Variants in NEDD4L observed in about 807,000 individuals in gnomAD.
NEDD4L encodes the protein E3 ubiquitin-protein ligase NEDD4-like.
Under a neutral mutation model 148.9 loss-of-function variants are expected in NEDD4L, and 54 were observed. The observed-to-expected ratio is 0.36, with a 90% CI of 0.29 to 0.45. The LOEUF (loss-of-function observed/expected upper bound fraction) is 0.45. NEDD4L is among the 20% of genes least tolerant of loss of function. The probability of loss-of-function intolerance (pLI) is 1.00; values close to 1 mark genes in which losing one functional copy is unlikely to be tolerated. For missense variants in NEDD4L, 856 were observed against 1,233.8 expected (o/e 0.69, Z 4.59); for synonymous variants, 433 against 440.7 (o/e 0.98, Z 0.22).
chr18:58,161,974 C>T (rs1434248602), intron 1 of NEDD4L, among the ~76,000 whole-genome samples: 3 of 152,114 alleles, frequency 2.0e-5, no homozygotes, highest in African/African-American at 7.2e-5. Context: ...AAAAGGGACA[C>T]TTTTCTGTGG....
intron 18 of NEDD4L, among the ~76,000 whole-genome samples, chr18:58,352,314 A>G (rs1177425215): frequency 6.6e-6 from 1 of 152,150 alleles, no homozygotes; most frequent in African/African-American, 2.4e-5. Flanking sequence ...AAGAGAATTT[A>G]CTAAAATGAG....
At chr18:58,137,528 CAG>C (rs1468030546) in intron 1 of NEDD4L, among the ~76,000 whole-genome samples, 1 of 152,080 alleles carries the variant, frequency 6.6e-6, no homozygotes, top group East Asian at 1.9e-4. Context: ...GAGAGGATAA[CAG>C]GGAGGAAAAG....
intron 1 of NEDD4L, among the ~76,000 whole-genome samples, chr18:58,087,638 G>T (rs930265611): frequency 6.6e-6 from 1 of 152,116 alleles, no homozygotes; most frequent in African/African-American, 2.4e-5. Context: ...ACTTTGAGAG[G>T]CCGAGGCGGG....
intron 2 of NEDD4L, among the ~76,000 whole-genome samples, chr18:58,218,136 A>C (rs1008707940): frequency 6.6e-6 from 1 of 152,148 alleles, no homozygotes; most frequent in African/African-American, 2.4e-5. Context: ...TGCTTTTCTT[A>C]TTCCTTTTGG....
intron 1 of NEDD4L, among the ~76,000 whole-genome samples, chr18:58,061,373 G>T (rs2082325245): frequency 2.6e-5 from 4 of 152,190 alleles, no homozygotes; most frequent in Admixed American, 2.6e-4. Context: ...GTTAGAGCCA[G>T]AATTTGAACG....
chr18:58,367,900 C>G, intron 22 of NEDD4L, 33 bp downstream of exon 22: 1 of 1,611,890 alleles, frequency 6.2e-7, no homozygotes, highest in Non-Finnish European at 8.5e-7. Context: ...TAGGTCAGTG[C>G]TGCTTGCGGT....
chr18:58,135,424 C>T (rs1047983200), intron 1 of NEDD4L, among the ~76,000 whole-genome samples: 1 of 152,196 alleles, frequency 6.6e-6, no homozygotes, highest in Non-Finnish European at 1.5e-5. Flanking sequence ...CTCTGAGAGT[C>T]CCGGCTGTGT....
intron 1 of NEDD4L, among the ~76,000 whole-genome samples, chr18:58,120,030 C>G (rs563889665): frequency 1.2e-4 from 19 of 152,308 alleles, no homozygotes; most frequent in South Asian, 2.1e-4. Context: ...TGAAGATCTT[C>G]CCTCTGCCTG....
intron 10 of NEDD4L, among the ~76,000 whole-genome samples, chr18:58,329,709 C>G (rs1489106104): frequency 6.6e-6 from 1 of 150,860 alleles, no homozygotes; most frequent in African/African-American, 2.4e-5. Context: ...CCATGTTGGC[C>G]AGGCTGGTCT....
chr18:58,365,582 A>G (rs1478575694), intron 20 of NEDD4L, among the ~76,000 whole-genome samples: 7 of 152,218 alleles, frequency 4.6e-5, no homozygotes, highest in Non-Finnish European at 7.4e-5. Context: ...CGGCCCTGCC[A>G]CAGTTGAGCA....
At chr18:58,206,478 A>G (rs2041999901) in intron 2 of NEDD4L, among the ~76,000 whole-genome samples, 2 of 152,216 alleles carry the variant, frequency 1.3e-5, no homozygotes, top group Admixed American at 6.5e-5. Flanking sequence ...TTTGAAGATT[A>G]TATCAAGTTT....
chr18:58,284,691 C>T (rs959568158), intron 5 of NEDD4L, among the ~76,000 whole-genome samples: 2 of 152,140 alleles, frequency 1.3e-5, no homozygotes, highest in African/African-American at 4.8e-5. Context: ...AATCTTACTT[C>T]TTTGAAAAAC....
chr18:58,087,974 G>GT (rs1460210459), intron 1 of NEDD4L, among the ~76,000 whole-genome samples: 5 of 152,234 alleles, frequency 3.3e-5, no homozygotes, highest in Non-Finnish European at 7.3e-5. Context: ...ATGTCTCAGG[G>GT]TTTCCTGAGG....
intron 1 of NEDD4L, among the ~76,000 whole-genome samples, chr18:58,077,516 C>T (rs78579279): frequency 0.05 from 7,566 of 152,080 alleles, 647 homozygotes; most frequent in African/African-American, 0.17. Flanking sequence ...GTGTGCACGT[C>T]GTTAACTACA....
intron 18 of NEDD4L, among the ~76,000 whole-genome samples, chr18:58,352,302 T>C (rs2043990536): frequency 6.6e-6 from 1 of 152,210 alleles, no homozygotes; most frequent in African/African-American, 2.4e-5. Context: ...ATTTATTGTT[T>C]TAAGAGAATT....
At position 58,329,130 on chromosome 18, in the gene NEDD4L, A is replaced by T; in HGVS notation, c.813+3A>T. On this transcript the variant is annotated splice_donor_region_variant and intron_variant, in intron 10 of 30. Coordinates refer to ENST00000400345, the MANE Select transcript of NEDD4L (RefSeq NM_001144967.3). ...CGGAGGGCGGGGATGTCCCCGAGGT[A>T]CGATGTCCCCAGAATGGTGCAAAGC... The T allele has an allele frequency of 6.2e-7, 1 of 1,613,676 alleles. No homozygotes were observed. Among genetic ancestry groups the T allele is most frequent in the Non-Finnish European group, 8.5e-7 (1 of 1,179,762 alleles).
intron 5 of NEDD4L, among the ~76,000 whole-genome samples, chr18:58,262,595 C>T (rs184930436): frequency 1.1e-3 from 167 of 149,970 alleles, no homozygotes; most frequent in Middle Eastern, 6.8e-3. Context: ...TGCCACTGCA[C>T]TCCAGCCTGG....
In NEDD4L at chr18:58,398,083, C is replaced by G. The variant is rs1483109832; in HGVS notation, c.*1814C>G. 3 of 137,736 alleles carry G rather than the reference C, an allele frequency of 2.2e-5. No individual in the cohort carries two copies. Among genetic ancestry groups the G allele is most frequent in the Non-Finnish European group, 4.5e-5 (3 of 66,182 alleles). 8.5% of individuals were successfully genotyped at this position (137,736 alleles called of 1,614,324 possible). Reference sequence around the variant, plus strand: ...TAAAAGAAGGTAGATTTCTACAGAGCTGAGTGTTGGTTCCTTTTTCTTATT... The same window carrying G: ...TAAAAGAAGGTAGATTTCTACAGAGGTGAGTGTTGGTTCCTTTTTCTTATT... On this transcript the variant is annotated 3_prime_UTR_variant, in exon 31 of 31. Transcript: ENST00000400345.
chr18:58,082,525 AC>A (rs1487374423), intron 1 of NEDD4L, among the ~76,000 whole-genome samples: 1 of 151,454 alleles, frequency 6.6e-6, no homozygotes, highest in Non-Finnish European at 1.5e-5. Flanking sequence ...TAATCCCAGC[AC>A]TTTGGGGGGC....
Sources: gnomAD v4.1 joint callset for allele counts (sites outside exome capture counted in the v4.1 genomes callset) on GRCh38, gnomAD v4.1.1 for gene constraint, MANE v1.5 for transcripts, NCBI Gene and HGNC (gene_info 2026-07-23, HGNC 2026-07-21) for gene names.